Variants in SLC6A11 observed in about 807,000 individuals in gnomAD.
SLC6A11 encodes the protein sodium- and chloride-dependent GABA transporter 3.
In SLC6A11, 25 loss-of-function variants were observed where a neutral mutation model predicts 74.8. That is an observed-to-expected ratio of 0.33 (90% confidence interval 0.24 to 0.47). The LOEUF is 0.47. Among genes scored for constraint, SLC6A11 ranks in the 20% least tolerant of loss-of-function variants. The probability of loss-of-function intolerance (pLI) is 1.00; values close to 1 mark genes in which losing one functional copy is unlikely to be tolerated. For synonymous variants in SLC6A11, 330 were observed against 330.2 expected (o/e 1.00, Z 0.01); for missense variants, 574 against 837.0 (o/e 0.69, Z 3.88).
chr3:10,867,598 TGA>T (rs922404108), intron 5 of SLC6A11, among the ~76,000 whole-genome samples: 1 of 152,214 alleles, frequency 6.6e-6, no homozygotes, highest in African/African-American at 2.4e-5. Flanking sequence ...TTTGGCTGAC[TGA>T]GAGAGCAAGG....
At chr3:10,860,969 T>G (rs544312825) in intron 5 of SLC6A11, among the ~76,000 whole-genome samples, 1 of 152,272 alleles carries the variant, frequency 6.6e-6, no homozygotes, top group Admixed American at 6.5e-5. Flanking sequence ...TGAGGAGGAT[T>G]AAAGAGCATC....
intron 5 of SLC6A11, among the ~76,000 whole-genome samples, chr3:10,873,684 C>T (rs1213398883): frequency 8.6e-4 from 77 of 89,672 alleles, no homozygotes; most frequent in Admixed American, 3.5e-3. Flanking sequence ...TATCCTATCC[C>T]GTCCCATCCT....
chr3:10,902,660 G>A (rs1465385562), intron 6 of SLC6A11, among the ~76,000 whole-genome samples: 1 of 152,230 alleles, frequency 6.6e-6, no homozygotes, highest in Non-Finnish European at 1.5e-5. Context: ...AGCTGGGTCT[G>A]CTGACCCCAA....
intron 6 of SLC6A11, among the ~76,000 whole-genome samples, chr3:10,885,254 C>A (rs574246899): frequency 6.6e-6 from 1 of 152,304 alleles, no homozygotes; most frequent in Non-Finnish European, 1.5e-5. Context: ...TAGATGACCA[C>A]CTTAACCTTG....
At chr3:10,823,279 T>C in intron 3 of SLC6A11, 23 bp from the exon 4 acceptor site, 1 of 1,551,196 alleles carries the variant, frequency 6.4e-7, no homozygotes, top group African/African-American at 1.4e-5. Context: ...TTTCTTCTAT[T>C]TCTTGTCTTG....
chr3:10,907,933 T>G (rs987005821), intron 6 of SLC6A11, among the ~76,000 whole-genome samples: 1 of 152,234 alleles, frequency 6.6e-6, no homozygotes, highest in Admixed American at 6.5e-5. Context: ...TGGGGGTGAT[T>G]GTTAAATTCA....
intron 6 of SLC6A11, among the ~76,000 whole-genome samples, chr3:10,900,350 T>C (rs1695225216): frequency 2.0e-5 from 3 of 152,096 alleles, no homozygotes; most frequent in Admixed American, 2.0e-4. Flanking sequence ...ATTTCTTGAG[T>C]GCTTATCATG....
intron 4 of SLC6A11, among the ~76,000 whole-genome samples, chr3:10,831,585 T>C (rs752623759): frequency 6.6e-5 from 10 of 152,194 alleles, no homozygotes; most frequent in African/African-American, 1.2e-4. Context: ...ATTAACAGAT[T>C]ACCCAGGAGT....
At chr3:10,819,207 A>G (rs1694103881) in intron 1 of SLC6A11, among the ~76,000 whole-genome samples, 1 of 152,180 alleles carries the variant, frequency 6.6e-6, no homozygotes, top group African/African-American at 2.4e-5. Context: ...TAGCTGCATT[A>G]CAGTTCTATG....
At chr3:10,933,307 T>TA in intron 11 of SLC6A11, 54 bp downstream of exon 11, 1 of 1,265,006 alleles carries the variant, frequency 7.9e-7, no homozygotes, top group Non-Finnish European at 1.2e-6. Flanking sequence ...GTACCCAGGA[T>TA]CCTGGTGCTT....
intron 5 of SLC6A11, among the ~76,000 whole-genome samples, chr3:10,860,881 G>T (rs910647607): frequency 6.6e-6 from 1 of 152,200 alleles, no homozygotes; most frequent in Admixed American, 6.5e-5. Context: ...AGAATTGTAG[G>T]TCTTCATAGG....
chr3:10,908,608 G>T (rs1233977071), intron 6 of SLC6A11, among the ~76,000 whole-genome samples: 1 of 152,110 alleles, frequency 6.6e-6, no homozygotes, highest in Non-Finnish European at 1.5e-5. Context: ...GATTGCCTTA[G>T]CACAAGTTTC....
intron 6 of SLC6A11, among the ~76,000 whole-genome samples, chr3:10,910,081 C>T (rs1207880161): frequency 6.6e-6 from 1 of 152,204 alleles, no homozygotes; most frequent in Non-Finnish European, 1.5e-5. Flanking sequence ...ACCTGCCTCT[C>T]CCTGCCCCTG....
At chr3:10,844,602 G>C (rs1218156734) in intron 5 of SLC6A11, among the ~76,000 whole-genome samples, 2 of 152,172 alleles carry the variant, frequency 1.3e-5, no homozygotes, top group African/African-American at 4.8e-5. Context: ...CTGTCTTATT[G>C]AGTTGAGAGT....
intron 6 of SLC6A11, among the ~76,000 whole-genome samples, chr3:10,905,567 G>GT (rs1695292383): frequency 6.6e-6 from 1 of 152,176 alleles, no homozygotes; most frequent in Non-Finnish European, 1.5e-5. Context: ...TTAATACAGA[G>GT]TAACCTAGCA....
chr3:10,898,552 A>G (rs960749590), intron 6 of SLC6A11, among the ~76,000 whole-genome samples: 8 of 152,230 alleles, frequency 5.3e-5, no homozygotes, highest in African/African-American at 1.9e-4. Context: ...TCTCTTTGCT[A>G]AAACACAACA....
At chr3:10,883,464 C>T (rs1308643480) in intron 6 of SLC6A11, among the ~76,000 whole-genome samples, 4 of 152,090 alleles carry the variant, frequency 2.6e-5, no homozygotes, top group East Asian at 1.9e-4. Context: ...CTGCTTTCTC[C>T]GGGCACTGGT....
chr3:10,835,702 A>G (rs990715599), intron 4 of SLC6A11, among the ~76,000 whole-genome samples: 1 of 152,152 alleles, frequency 6.6e-6, no homozygotes, highest in Non-Finnish European at 1.5e-5. Flanking sequence ...CGGACAAGGT[A>G]GCTATTTCTG....
chr3:10,905,220 C>G (rs1695287821), intron 6 of SLC6A11, among the ~76,000 whole-genome samples: 1 of 152,184 alleles, frequency 6.6e-6, no homozygotes, highest in South Asian at 2.1e-4. Context: ...TATTTTTTCT[C>G]TTCTTGAGTA....
Sources: gnomAD v4.1 joint callset for allele counts (sites outside exome capture counted in the v4.1 genomes callset) on GRCh38, gnomAD v4.1.1 for gene constraint, MANE v1.5 for transcripts, NCBI Gene and HGNC (gene_info 2026-07-23, HGNC 2026-07-21) for gene names.